The following NRXN1 variants were observed in gnomAD, a reference collection of about 807,000 sequenced individuals.
The protein encoded by NRXN1 is neurexin-1.
In NRXN1, 39 loss-of-function variants were observed where a neutral mutation model predicts 150.9. The observed-to-expected ratio is 0.26, with a 90% CI of 0.20 to 0.34. NRXN1 has a LOEUF of 0.34. Among genes scored for constraint, NRXN1 ranks in the 10% least tolerant of loss-of-function variants. NRXN1 has a pLI of 1.00. For missense variants in NRXN1, 1,815 were observed against 1,949.9 expected (o/e 0.93, Z 1.30); for synonymous variants, 924 against 757.0 (o/e 1.22, Z -3.62).
In NRXN1 at chr2:50,326,647, T is replaced by C. The variant is rs2076402077; in HGVS notation, c.3365-89677A>G. 2.6e-5 allele frequency among the ~76,000 whole-genome samples: 4 copies of C among 152,206 alleles called. No homozygotes were observed. The South Asian group carries it at 8.3e-4, about 32-fold the overall frequency. ...ACTACTATTTAGTGTTACTTGCTTATAGTTGTTTCTATCCATTAACTTGCT... is the reference window on the plus strand; with the variant it reads ...ACTACTATTTAGTGTTACTTGCTTACAGTTGTTTCTATCCATTAACTTGCT... On this transcript the variant is annotated intron_variant, in intron 17 of 22. Coordinates refer to ENST00000401669, the MANE Select transcript of NRXN1 (RefSeq NM_001330078.2).
At chr2:50,189,624 T>C (rs1452228760) in intron 18 of NRXN1, among the ~76,000 whole-genome samples, 2 of 152,130 alleles carry the variant, frequency 1.3e-5, no homozygotes, top group African/African-American at 2.4e-5. Context: ...TGGTGGCAAA[T>C]GATCAATTGA....
chr2:50,543,527 T>C (rs2093432069), intron 9 of NRXN1, among the ~76,000 whole-genome samples: 1 of 152,116 alleles, frequency 6.6e-6, no homozygotes, highest in Non-Finnish European at 1.5e-5. Flanking sequence ...ACGACACATG[T>C]AAGAGGTAAA....
intron 5 of NRXN1, among the ~76,000 whole-genome samples, chr2:50,625,802 G>C (rs761815497): frequency 6.6e-6 from 1 of 152,180 alleles, no homozygotes; most frequent in East Asian, 1.9e-4. Context: ...AAGATACAAT[G>C]AGATAATGTC....
chr2:49,979,776 T>C (rs1351138689), intron 21 of NRXN1, among the ~76,000 whole-genome samples: 2 of 152,190 alleles, frequency 1.3e-5, no homozygotes, highest in African/African-American at 4.8e-5. Context: ...GAAGCACTAC[T>C]TTGAGACTAT....
At chr2:49,966,459 A>G (rs1676979791) in intron 21 of NRXN1, 1 of 152,142 alleles carries the variant, frequency 6.6e-6, no homozygotes, top group African/African-American at 2.4e-5. Flanking sequence ...TCCAGGTGAC[A>G]TAATTCAACA....
intron 19 of NRXN1, among the ~76,000 whole-genome samples, chr2:50,079,876 T>C (rs369888268): frequency 8.0e-4 from 122 of 152,260 alleles, no homozygotes; most frequent in African/African-American, 2.7e-3. Context: ...AACGGTAATA[T>C]GGTAGTCTCC....
intron 9 of NRXN1, among the ~76,000 whole-genome samples, chr2:50,545,103 A>C (rs1160278171): frequency 6.6e-6 from 1 of 152,172 alleles, no homozygotes; most frequent in Non-Finnish European, 1.5e-5. Flanking sequence ...GTGGTTATCT[A>C]TGGAGAACAG....
chr2:50,029,707 T>C (rs1368201595), intron 21 of NRXN1, among the ~76,000 whole-genome samples: 1 of 152,128 alleles, frequency 6.6e-6, no homozygotes, highest in Non-Finnish European at 1.5e-5. Flanking sequence ...ATTTCTGTTC[T>C]TTAAATGCCC....
In NRXN1 at chr2:51,032,124, G is replaced by T; in HGVS notation, c.-1065C>A. The T allele has an allele frequency of 6.5e-6, 1 of 153,874 alleles. No homozygotes were observed. The allele number at this position is 153,874 out of a possible 1,614,324, so 9.5% of individuals were successfully genotyped here. A position where few individuals can be genotyped will look rare whatever the true frequency, so the allele number is the denominator to read the frequency against. On this transcript the variant is annotated 5_prime_UTR_variant, in exon 1 of 23. Coordinates refer to ENST00000401669, the MANE Select transcript of NRXN1 (RefSeq NM_001330078.2). The stretch of plus-strand genomic sequence containing the variant: ...AGCGTCTATCTCCAGGAGTGCGGGA[G>T]GGGAGAACAGGCAACGGAGGGGAGC...
chr2:50,794,125 T>G (rs1212802543), intron 5 of NRXN1, among the ~76,000 whole-genome samples: 1 of 152,040 alleles, frequency 6.6e-6, no homozygotes, highest in Non-Finnish European at 1.5e-5. Flanking sequence ...TGTGAAACCT[T>G]GGAGTAGAAG....
At chr2:50,532,677 T>C (rs2093149288) in intron 10 of NRXN1, among the ~76,000 whole-genome samples, 1 of 152,056 alleles carries the variant, frequency 6.6e-6, no homozygotes, top group African/African-American at 2.4e-5. Flanking sequence ...ACTGGGGAGC[T>C]TGTGAGGATG....
chr2:51,004,301 T>C (rs1700432999), intron 2 of NRXN1, among the ~76,000 whole-genome samples: 1 of 151,866 alleles, frequency 6.6e-6, no homozygotes, highest in Admixed American at 6.6e-5. Context: ...CCTAAAACAG[T>C]TATAGCAGCC....
At chr2:50,690,382 C>A (rs185115967) in intron 5 of NRXN1, among the ~76,000 whole-genome samples, 2 of 152,106 alleles carry the variant, frequency 1.3e-5, no homozygotes, top group African/African-American at 4.8e-5. Context: ...AGCACGCAGA[C>A]CTTTGAAATT....
chr2:50,007,713 A>T (rs539709716), intron 21 of NRXN1, among the ~76,000 whole-genome samples: 1 of 152,000 alleles, frequency 6.6e-6, no homozygotes, highest in Non-Finnish European at 1.5e-5. Context: ...TGTCTTTTAT[A>T]GTAGAATGAT....
chr2:50,389,690 T>C (rs1572792507), intron 17 of NRXN1, among the ~76,000 whole-genome samples: 1 of 152,262 alleles, frequency 6.6e-6, no homozygotes, highest in Middle Eastern at 3.4e-3. Context: ...GTTAATAAAT[T>C]GCTATTTTTT....
chr2:50,969,327 G>T (rs978643167), intron 2 of NRXN1, among the ~76,000 whole-genome samples: 3 of 151,890 alleles, frequency 2.0e-5, no homozygotes, highest in African/African-American at 7.3e-5. Flanking sequence ...ACACTGCCTG[G>T]CACAAAGAAG....
chr2:50,527,541 A>C (rs2092988909), intron 12 of NRXN1, among the ~76,000 whole-genome samples: 1 of 152,184 alleles, frequency 6.6e-6, no homozygotes, highest in South Asian at 2.1e-4. Flanking sequence ...GGTCTGATTG[A>C]ACAAACTCAT....
At chr2:50,054,674 G>C (rs1292301458) in intron 20 of NRXN1, among the ~76,000 whole-genome samples, 1 of 152,116 alleles carries the variant, frequency 6.6e-6, no homozygotes, top group Non-Finnish European at 1.5e-5. Flanking sequence ...AATGCTTGCT[G>C]TGAGTACCCT....
At chr2:50,787,252 G>GCAAAA (rs1259904506) in intron 5 of NRXN1, among the ~76,000 whole-genome samples, 2 of 151,876 alleles carry the variant, frequency 1.3e-5, no homozygotes, top group East Asian at 1.9e-4. Flanking sequence ...TGGGTCTCTG[G>GCAAAA]CAAAACAAAA....
Sources: allele counts gnomAD v4.1 joint callset (sites outside exome capture counted in the v4.1 genomes callset), GRCh38; gene constraint gnomAD v4.1.1; transcripts MANE v1.5; gene names NCBI Gene and HGNC (gene_info 2026-07-23, HGNC 2026-07-21).